The following ARHGEF10 variants were observed in gnomAD, a reference collection of about 807,000 sequenced individuals.
ARHGEF10 encodes the protein Rho guanine nucleotide exchange factor 10, also known as Rho guanine nucleotide exchange factor (GEF) 10.
A neutral mutation model predicts 147.4 loss-of-function variants in ARHGEF10; 140 were observed. The ratio of observed to expected loss-of-function variants is 0.95; its 90% CI spans 0.83 to 1.09. ARHGEF10 has a LOEUF of 1.09. Among genes scored for constraint, ARHGEF10 ranks in the 50% least tolerant of loss-of-function variants. The pLI, the probability that ARHGEF10 is intolerant of heterozygous loss-of-function variation, is 0.00. For missense variants in ARHGEF10, 2,222 were observed against 1,752.7 expected, an observed-to-expected ratio of 1.27 and a Z score of -4.78; for synonymous variants, 902 against 695.8, an observed-to-expected ratio of 1.30 and a Z score of -4.67.
Position 1,926,389 on chromosome 8 carries a change from G to A in ARHGEF10, c.2623G>A (p.Ala875Thr), listed in dbSNP as rs1004873244. The change falls in exon 23 of 29, where the codon GCT becomes ACT. Residue 875 changes from alanine to threonine, a missense_variant. Physicochemically the swap from Ala to Thr is moderately conservative, Grantham distance 58 (BLOSUM62 0). Transcript: ENST00000349830. ...TATTCCATTTTAGATTGAATGTGCT[G>A]CTTATAACCCTGAACCTTACCTAAA... Reference protein sequence around the residue: ...KQQEFKIECAAYNPEPYLNNE... With the variant: ...KQQEFKIECATYNPEPYLNNE... 6.2e-7 allele frequency: 1 copy of A among 1,613,880 alleles called. No homozygotes were observed. Among genetic ancestry groups the A allele is most frequent in the Non-Finnish European group, 8.5e-7 (1 of 1,179,860 alleles).
intron 18 of ARHGEF10, among the ~76,000 whole-genome samples, chr8:1,916,656 A>G (rs1811782416): frequency 6.6e-6 from 1 of 152,180 alleles, no homozygotes; most frequent in Non-Finnish European, 1.5e-5. Flanking sequence ...CTGGTTCATA[A>G]CCAAGATTTC....
At chr8:1,908,798 T>C (rs945148509) in intron 17 of ARHGEF10, among the ~76,000 whole-genome samples, 9 of 152,236 alleles carry the variant, frequency 5.9e-5, no homozygotes, top group African/African-American at 2.2e-4. Flanking sequence ...TAGGGTTTTT[T>C]TTCGGTTCAA....
chr8:1,918,218 A>T lies in ARHGEF10; in HGVS notation c.2144-4746A>T, dbSNP rs111466390. Among the ~76,000 whole-genome samples the T allele has an allele frequency of 2.0e-3, 300 of 152,314 alleles. 1 individual carries two copies. Among genetic ancestry groups the T allele is most frequent in the African/African-American group, 7.1e-3 (294 of 41,568 alleles). On this transcript the variant is annotated intron_variant, in intron 18 of 28. Transcript: ENST00000349830. ...TGTTATTCTTGGGATGTGAGTGCAG[A>T]CGCTTTCTTTGGCAGCGCACATTGT...
chr8:1,876,406 C>T (rs910483303), intron 7 of ARHGEF10, 165 bp from the exon 8 acceptor site: 71 of 721,204 alleles, frequency 9.8e-5, no homozygotes, highest in South Asian at 7.1e-4. Context: ...AGGCGCTGCA[C>T]GGTGCCTTCC....
intron 4 of ARHGEF10, 64 bp downstream of exon 4, chr8:1,860,248 G>C: frequency 6.6e-7 from 1 of 1,517,502 alleles, no homozygotes; most frequent in Non-Finnish European, 9.0e-7. Context: ...CCACGCCCCC[G>C]AAGTGGCCTG....
chr8:1,862,326 G>T (rs145532619), intron 4 of ARHGEF10, among the ~76,000 whole-genome samples: 66 of 152,378 alleles, frequency 4.3e-4, no homozygotes, highest in Middle Eastern at 3.4e-3. Flanking sequence ...CCTGCCTGGA[G>T]CTCCCAGCTG....
chr8:1,931,089 C>T (rs1478476504), intron 25 of ARHGEF10, among the ~76,000 whole-genome samples: 2 of 152,218 alleles, frequency 1.3e-5, no homozygotes, highest in Non-Finnish European at 2.9e-5. Flanking sequence ...CACCTGTTGT[C>T]ATAACCTCTG....
At chr8:1,881,711 A>T (rs1033061439) in intron 9 of ARHGEF10, among the ~76,000 whole-genome samples, 29 of 152,282 alleles carry the variant, frequency 1.9e-4, no homozygotes, top group African/African-American at 6.5e-4. Context: ...GGGCAGGCAG[A>T]CACGGCCAGG....
chr8:1,832,875 C>CAG (rs1184548973), intron 1 of ARHGEF10, among the ~76,000 whole-genome samples: 1 of 72,112 alleles, frequency 1.4e-5, no homozygotes. Flanking sequence ...GAGGCAGAGA[C>CAG]AGAGAGACAG....
At chr8:1,899,791 G>C (rs1467037766) in intron 15 of ARHGEF10, among the ~76,000 whole-genome samples, 1 of 152,222 alleles carries the variant, frequency 6.6e-6, no homozygotes, top group South Asian at 2.1e-4. Flanking sequence ...AGACGCTGTT[G>C]GCTTCCGGCA....
intron 7 of ARHGEF10, chr8:1,876,066 CG>C (rs1807672342): frequency 6.0e-6 from 1 of 166,598 alleles, no homozygotes; most frequent in African/African-American, 2.4e-5. Flanking sequence ...TTTAAAAATC[CG>C]TGTGTATTTT....
At position 1,910,384 on chromosome 8, in the gene ARHGEF10, C is replaced by T. The variant is rs1045483585; in HGVS notation, c.2143+914C>T. The stretch of plus-strand genomic sequence containing the variant: ...TCGCTTTGGGACCGCTTTTATTTTT[C>T]TCATTCCCCTGATGTTAATAGTCAT... On this transcript the variant is annotated intron_variant, in intron 18 of 28. Coordinates refer to ENST00000349830, the MANE Select transcript of ARHGEF10 (RefSeq NM_014629.4). Among the ~76,000 whole-genome samples, 5 of 152,286 alleles carry T rather than the reference C, an allele frequency of 3.3e-5. No homozygotes were observed. In the East Asian group the frequency reaches 9.7e-4, roughly 29 times the overall value.
chr8:1,835,341 C>T (rs559502090), intron 1 of ARHGEF10, among the ~76,000 whole-genome samples: 5 of 152,318 alleles, frequency 3.3e-5, no homozygotes, highest in South Asian at 2.1e-4. Context: ...CCCTGTGAGT[C>T]GGTGCCGTCC....
chr8:1,896,274 G>T (rs1329219468), intron 13 of ARHGEF10, 59 bp from the exon 14 acceptor site: 4 of 1,218,876 alleles, frequency 3.3e-6, no homozygotes, highest in East Asian at 2.3e-5. Flanking sequence ...TCTGTTTTAT[G>T]TTGGAAAAGG....
intron 18 of ARHGEF10, among the ~76,000 whole-genome samples, chr8:1,914,921 AAC>A (rs1811643384): frequency 1.3e-5 from 2 of 152,176 alleles, no homozygotes; most frequent in African/African-American, 4.8e-5. Flanking sequence ...ATAGTCCGGA[AAC>A]AGTCTTCAGT....
intron 2 of ARHGEF10, among the ~76,000 whole-genome samples, chr8:1,852,052 G>A (rs922101246): frequency 1.1e-4 from 16 of 152,126 alleles, no homozygotes; most frequent in African/African-American, 2.4e-4. Context: ...TTGATAGCTC[G>A]AGATTCAGGC....
chr8:1,887,814 C>G (rs527683917), intron 11 of ARHGEF10, among the ~76,000 whole-genome samples: 1 of 123,802 alleles, frequency 8.1e-6, no homozygotes, highest in Non-Finnish European at 1.7e-5. Context: ...TGGGGAGATG[C>G]TGAGGAGAGG....
rs1809744137 is a variant in ARHGEF10 at position 1,893,784 on chromosome 8, A to G, written c.1260+138A>G. On this transcript the variant is annotated intron_variant, in intron 12 of 28. Transcript: ENST00000349830. ...TTTGCAAAATTCTCAAAAGGATCTAAGTATTATGTCTGTATATTGACATCA... is the reference window on the plus strand; with the variant it reads ...TTTGCAAAATTCTCAAAAGGATCTAGGTATTATGTCTGTATATTGACATCA... The G allele has an allele frequency of 4.4e-6, 3 of 683,022 alleles. No homozygotes were observed. The East Asian group carries it at 8.1e-5, about 19-fold the overall frequency. The allele number at this position is 683,022 out of a possible 1,614,324, so 42.3% of individuals were successfully genotyped here. A position where few individuals can be genotyped will look rare whatever the true frequency, so the allele number is the denominator to read the frequency against.
intron 14 of ARHGEF10, 112 bp downstream of exon 14, chr8:1,896,561 G>A (rs916431076): frequency 7.4e-6 from 6 of 805,970 alleles, no homozygotes; most frequent in Non-Finnish European, 1.3e-5. Flanking sequence ...TATCAATAGT[G>A]CCCTAGATAT....
Sources: gnomAD v4.1 joint callset for allele counts (sites outside exome capture counted in the v4.1 genomes callset) on GRCh38, gnomAD v4.1.1 for gene constraint, MANE v1.5 for transcripts, NCBI Gene and HGNC (gene_info 2026-07-23, HGNC 2026-07-21) for gene names.